GPHN: variants seen among roughly 807,000 people sequenced by gnomAD.
GPHN encodes gephyrin.
Under a neutral mutation model 95.5 loss-of-function variants are expected in GPHN, and 17 were observed. That is an observed-to-expected ratio of 0.18 (90% CI 0.12 to 0.27). GPHN has a LOEUF of 0.27. GPHN is among the 10% of genes least tolerant of loss of function. The pLI, the probability that GPHN is intolerant of heterozygous loss-of-function variation, is 1.00. For synonymous variants in GPHN, 320 were observed against 322.5 expected, an observed-to-expected ratio of 0.99 and a Z score of 0.08; for missense variants, 660 against 978.1, an observed-to-expected ratio of 0.67 and a Z score of 4.34.
intron 11 of GPHN, among the ~76,000 whole-genome samples, chr14:67,070,713 A>ATATATATAT (rs1392804155): frequency 1.2e-5 from 1 of 84,946 alleles, no homozygotes; most frequent in Non-Finnish European, 1.8e-5. Context: ...AAAAAAAAAA[A>ATATATATAT]AAATATATAT....
chr14:66,771,451 C>A (rs553627964), intron 2 of GPHN, among the ~76,000 whole-genome samples: 1 of 152,280 alleles, frequency 6.6e-6, no homozygotes, highest in Admixed American at 6.5e-5. Flanking sequence ...TGCGAGAACT[C>A]GCTCGACCAG....
chr14:67,144,507 T>C (rs1265230815), intron 18 of GPHN, among the ~76,000 whole-genome samples: 1 of 151,886 alleles, frequency 6.6e-6, no homozygotes, highest in Non-Finnish European at 1.5e-5. Flanking sequence ...CTCAAAGATA[T>C]TTCAGTGTAA....
At chr14:67,345,701 C>A in the GPHN span, 1 of 1,067,162 alleles carries the variant, frequency 9.4e-7, no homozygotes, top group African/African-American at 1.6e-5. Context: ...GACTCAAGAC[C>A]TGACTCTCCT....
At chr14:66,608,540 G>T in intron 1 of GPHN, among the ~76,000 whole-genome samples, 1 of 152,026 alleles carries the variant, frequency 6.6e-6, no homozygotes, top group East Asian at 1.9e-4. Context: ...GAATTTCTTT[G>T]TTAGTTTTCT....
At chr14:67,526,871 G>A in the GPHN span, among the ~76,000 whole-genome samples, 3 of 152,252 alleles carry the variant, frequency 2.0e-5, no homozygotes, top group Non-Finnish European at 4.4e-5. Context: ...ACAAAGAGGG[G>A]AGGGCAAAGA....
intron 3 of GPHN, among the ~76,000 whole-genome samples, chr14:66,812,700 A>G (rs1454931014): frequency 2.0e-5 from 3 of 152,252 alleles, no homozygotes; most frequent in African/African-American, 7.2e-5. Context: ...GAAATCATTT[A>G]GTAAATATAT....
chr14:67,164,503 T>G (rs1465502338), intron 19 of GPHN, among the ~76,000 whole-genome samples: 2 of 150,930 alleles, frequency 1.3e-5, no homozygotes. Context: ...ATCTGCTTTC[T>G]TTTTTTTTGA....
intron 2 of GPHN, among the ~76,000 whole-genome samples, chr14:66,742,098 C>T (rs1236516848): frequency 6.6e-6 from 1 of 152,196 alleles, no homozygotes; most frequent in Non-Finnish European, 1.5e-5. Context: ...AATGTCAAAA[C>T]ACTCTAACAA....
intron 8 of GPHN, among the ~76,000 whole-genome samples, chr14:66,933,891 C>T (rs1170699159): frequency 1.3e-5 from 2 of 152,032 alleles, no homozygotes; most frequent in African/African-American, 4.8e-5. Context: ...GTAATACCAG[C>T]ACTTTGGGAG....
At chr14:67,595,358 C>T in the GPHN span, among the ~76,000 whole-genome samples, 3 of 152,132 alleles carry the variant, frequency 2.0e-5, no homozygotes, top group Non-Finnish European at 4.4e-5. Context: ...TCCGCATCAT[C>T]CTAAAGTCAA....
the GPHN span, among the ~76,000 whole-genome samples, chr14:67,469,440 C>CTTTTTTTT: frequency 3.0e-4 from 24 of 80,878 alleles, no homozygotes; most frequent in Admixed American, 7.2e-4. Context: ...CCATGCCTGG[C>CTTTTTTTT]TTTTTTTTTT....
intron 4 of GPHN, among the ~76,000 whole-genome samples, chr14:66,838,484 T>TTATC (rs1005630068): frequency 1.8e-4 from 28 of 152,254 alleles, no homozygotes; most frequent in Non-Finnish European, 1.2e-4. Flanking sequence ...TAGCTTGAAT[T>TTATC]TATCAGTGAT....
At chr14:67,185,413 G>A (rs2083363798), downstream of GPHN, among the ~76,000 whole-genome samples, 1 of 152,186 alleles carries the variant, frequency 6.6e-6, no homozygotes, top group Admixed American at 6.5e-5. Flanking sequence ...TCCTTTAAAT[G>A]TTAAAGTTCA....
intron 5 of GPHN, among the ~76,000 whole-genome samples, chr14:66,886,425 C>G (rs1382623711): frequency 6.6e-6 from 1 of 152,022 alleles, no homozygotes; most frequent in Non-Finnish European, 1.5e-5. Context: ...GCTAGTAAAT[C>G]TCTCTGCACA....
the GPHN span, among the ~76,000 whole-genome samples, chr14:67,194,446 T>G: frequency 6.6e-6 from 1 of 152,054 alleles, no homozygotes. Context: ...GGCGTGTGTG[T>G]GTGTGTGCTG....
At chr14:66,995,592 A>G (rs1405374552) in intron 9 of GPHN, among the ~76,000 whole-genome samples, 1 of 152,186 alleles carries the variant, frequency 6.6e-6, no homozygotes, top group Non-Finnish European at 1.5e-5. Context: ...TTGAGCACCT[A>G]CTACATTCTG....
the GPHN span, chr14:67,574,207 C>T: frequency 4.6e-6 from 7 of 1,536,232 alleles, no homozygotes; most frequent in South Asian, 2.5e-5. The surrounding 1 kb of genome is among the most constrained non-coding windows in gnomAD (Gnocchi z 4.2). Flanking sequence ...ATTCTCCCAG[C>T]GTGCTGCCCC....
chr14:66,787,245 T>C (rs2059808713), intron 3 of GPHN, among the ~76,000 whole-genome samples: 2 of 152,096 alleles, frequency 1.3e-5, no homozygotes, highest in African/African-American at 4.8e-5. Flanking sequence ...ATAACACCAT[T>C]TACAATTGTT....
At chr14:67,619,566 G>T in the GPHN span, among the ~76,000 whole-genome samples, 1 of 152,290 alleles carries the variant, frequency 6.6e-6, no homozygotes, top group African/African-American at 2.4e-5. Context: ...TCAGCCGGGC[G>T]TGAAGATTGG....
Sources: allele counts gnomAD v4.1 joint callset (sites outside exome capture counted in the v4.1 genomes callset), GRCh38; gene constraint gnomAD v4.1.1; non-coding constraint Gnocchi (gnomAD v3.1); transcripts MANE v1.5; gene names NCBI Gene and HGNC (gene_info 2026-07-23, HGNC 2026-07-21).